Variants in ATP6V0E1 observed in about 807,000 individuals in gnomAD.
The protein encoded by ATP6V0E1 is V-type proton ATPase subunit e 1.
ATP6V0E1 carries 4 observed loss-of-function variants against 11.6 expected under a neutral mutation model. That is an observed-to-expected ratio of 0.35 (90% confidence interval 0.17 to 0.79). The LOEUF (loss-of-function observed/expected upper bound fraction) is 0.79, where lower values mean the gene tolerates loss of function less well. Among genes scored for constraint, ATP6V0E1 ranks in the 30% least tolerant of loss-of-function variants. ATP6V0E1 has a pLI of 0.54. For missense variants in ATP6V0E1, 105 were observed against 100.0 expected (o/e 1.05, Z -0.21); for synonymous variants, 36 against 34.8 (o/e 1.04, Z -0.13).
chr5:173,024,119 A>C (rs1362965029), intron 3 of ATP6V0E1, among the ~76,000 whole-genome samples: 1 of 146,820 alleles, frequency 6.8e-6, no homozygotes, highest in Non-Finnish European at 1.5e-5. Context: ...AATGGCATGA[A>C]CCCAGGAGGT....
At chr5:173,029,347 A>G (rs995090907) in intron 3 of ATP6V0E1, among the ~76,000 whole-genome samples, 3 of 152,052 alleles carry the variant, frequency 2.0e-5, no homozygotes, top group Admixed American at 6.6e-5. Context: ...TCAGTTCCCA[A>G]TATCATAGTT....
intron 2 of ATP6V0E1, among the ~76,000 whole-genome samples, chr5:172,998,641 G>A (rs1196393084): frequency 1.3e-5 from 2 of 150,610 alleles, no homozygotes; most frequent in African/African-American, 4.9e-5. Context: ...AGTAAATGAG[G>A]GCAAATACAT....
chr5:173,006,142 T>C lies in ATP6V0E1; in HGVS notation c.152+11320T>C, dbSNP rs545903264. ...GTCCTTATTGTGGTTTTTTTTTGTT[T>C]GTTTTTTATCTACTACTTTTAATTA... On this transcript the variant is annotated intron_variant, in intron 2 of 3. Transcript: ENST00000519374. Among the ~76,000 whole-genome samples the C allele has an allele frequency of 2.2e-4, 33 of 152,334 alleles. 2 individuals carry two copies. In the South Asian group the frequency reaches 6.8e-3, roughly 32 times the overall value.
At chr5:173,012,654 T>G (rs926520030) in intron 2 of ATP6V0E1, among the ~76,000 whole-genome samples, 6 of 151,360 alleles carry the variant, frequency 4.0e-5, no homozygotes, top group African/African-American at 1.5e-4. Flanking sequence ...CTCAAGAGAC[T>G]GAGGCAGGAG....
chr5:173,033,776 T>G (rs1297222383), intron 3 of ATP6V0E1, among the ~76,000 whole-genome samples: 1 of 151,720 alleles, frequency 6.6e-6, no homozygotes, highest in Non-Finnish European at 1.5e-5. Flanking sequence ...CTCAGGAGAT[T>G]GAGACTGCAG....
At chr5:172,997,768 G>T (rs912761177) in intron 2 of ATP6V0E1, among the ~76,000 whole-genome samples, 7 of 149,284 alleles carry the variant, frequency 4.7e-5, no homozygotes, top group Non-Finnish European at 1.0e-4. Flanking sequence ...AGCCGAGATT[G>T]CACCACTGCA....
chr5:173,023,244 AG>A (rs1382639902), intron 3 of ATP6V0E1, among the ~76,000 whole-genome samples: 1 of 152,112 alleles, frequency 6.6e-6, no homozygotes, highest in Non-Finnish European at 1.5e-5. Flanking sequence ...CCCAGTCTAG[AG>A]TGCAGTGGCA....
intron 2 of ATP6V0E1, among the ~76,000 whole-genome samples, chr5:173,016,419 C>G (rs1429025233): frequency 6.6e-6 from 1 of 152,206 alleles, no homozygotes; most frequent in Non-Finnish European, 1.5e-5. Context: ...GTTTTTTCCA[C>G]TCTCAGAAAT....
chr5:173,014,974 G>C (rs527781780), intron 2 of ATP6V0E1, among the ~76,000 whole-genome samples: 2 of 152,284 alleles, frequency 1.3e-5, no homozygotes, highest in Admixed American at 1.3e-4. Context: ...ACCAAGAAAG[G>C]GGTCTTCATT....
At chr5:173,029,336 T>C (rs1756612529) in intron 3 of ATP6V0E1, among the ~76,000 whole-genome samples, 2 of 152,192 alleles carry the variant, frequency 1.3e-5, no homozygotes, top group Non-Finnish European at 2.9e-5. Flanking sequence ...ATGTCTCCAT[T>C]TCAGTTCCCA....
At chr5:172,997,044 A>G (rs1474509759) in intron 2 of ATP6V0E1, among the ~76,000 whole-genome samples, 1 of 152,018 alleles carries the variant, frequency 6.6e-6, no homozygotes, top group African/African-American at 2.4e-5. Flanking sequence ...TGCATTCCAG[A>G]CATTTAAAAC....
At chr5:172,984,577 T>C (rs1252037110) in intron 1 of ATP6V0E1, among the ~76,000 whole-genome samples, 3 of 152,218 alleles carry the variant, frequency 2.0e-5, no homozygotes, top group African/African-American at 7.2e-5. Context: ...GGCTCTTGTA[T>C]GTGAGTGTAA....
At chr5:173,029,861 C>G (rs930369519) in intron 3 of ATP6V0E1, among the ~76,000 whole-genome samples, 1 of 152,180 alleles carries the variant, frequency 6.6e-6, no homozygotes, top group Admixed American at 6.5e-5. Context: ...CTGTCAAGGC[C>G]TTCCCTCCCC....
At chr5:173,031,255 T>C (rs532884876) in intron 3 of ATP6V0E1, among the ~76,000 whole-genome samples, 2 of 145,804 alleles carry the variant, frequency 1.4e-5, no homozygotes, top group South Asian at 4.3e-4. Flanking sequence ...AATTTTTGTA[T>C]TTTTTTTTTA....
chr5:173,020,876 A>G (rs772517659), intron 3 of ATP6V0E1: 10 of 519,748 alleles, frequency 1.9e-5, no homozygotes, highest in African/African-American at 3.9e-5. Flanking sequence ...CTTCCCCGAG[A>G]GTGTGCTAAG....
At chr5:173,014,430 G>A (rs896664574) in intron 2 of ATP6V0E1, among the ~76,000 whole-genome samples, 11 of 152,124 alleles carry the variant, frequency 7.2e-5, no homozygotes, top group African/African-American at 1.9e-4. Context: ...CATGTTGATC[G>A]CAGTGCTGTT....
chr5:173,023,146 C>T (rs1756509082), intron 3 of ATP6V0E1, among the ~76,000 whole-genome samples: 1 of 152,016 alleles, frequency 6.6e-6, no homozygotes, highest in Admixed American at 6.6e-5. Context: ...CATCAGCCAC[C>T]GTGCCTGGCC....
Position 173,033,186 on chromosome 5 carries a change from C to T in ATP6V0E1, c.*37-1213C>T, listed in dbSNP as rs535406549. On this transcript the variant is annotated intron_variant, in intron 3 of 3. Transcript: ENST00000519374. ...GCATGATCATAGCTCACTGTAACCT[C>T]AAACTCCTGAGCTCTAGTGATCCTC... Among the ~76,000 whole-genome samples the T allele has an allele frequency of 1.2e-4, 18 of 152,292 alleles. 1 individual carries two copies. The East Asian group carries it at 3.3e-3, about 28-fold the overall frequency.
intron 3 of ATP6V0E1, among the ~76,000 whole-genome samples, chr5:173,027,242 C>T (rs1385820930): frequency 2.9e-5 from 4 of 139,238 alleles, no homozygotes; most frequent in Non-Finnish European, 4.6e-5. Flanking sequence ...AATCCCAGCA[C>T]TTTGGGAGGC....
Sources: gnomAD v4.1 joint callset for allele counts (sites outside exome capture counted in the v4.1 genomes callset) on GRCh38, gnomAD v4.1.1 for gene constraint, MANE v1.5 for transcripts, NCBI Gene and HGNC (gene_info 2026-07-23, HGNC 2026-07-21) for gene names.